WAC: variants seen among roughly 807,000 people sequenced by gnomAD.
WAC encodes the protein WW domain containing adaptor with coiled-coil, also known as WW domain-containing adapter protein with coiled-coil.
Under a neutral mutation model 79.6 loss-of-function variants are expected in WAC, and 11 were observed. That is an observed-to-expected ratio of 0.14 (90% confidence interval 0.09 to 0.23). The LOEUF (loss-of-function observed/expected upper bound fraction) is 0.23, where lower values mean the gene tolerates loss of function less well. Among genes scored for constraint, WAC ranks in the 10% least tolerant of loss-of-function variants. The probability of loss-of-function intolerance (pLI) is 1.00; values close to 1 mark genes in which losing one functional copy is unlikely to be tolerated. For synonymous variants in WAC, 304 were observed against 276.9 expected (o/e 1.10, Z -0.97); for missense variants, 728 against 773.5 (o/e 0.94, Z 0.70).
intron 13 of WAC, 70 bp downstream of exon 13, chr10:28,617,854 T>C: frequency 6.9e-7 from 1 of 1,453,572 alleles, no homozygotes; most frequent in Middle Eastern, 2.4e-4. Context: ...CTAAAGAATG[T>C]AAATCACATT....
intron 9 of WAC, chr10:28,611,266 C>T (rs1205440315): frequency 7.7e-7 from 1 of 1,292,824 alleles, no homozygotes; most frequent in Non-Finnish European, 1.0e-6. Context: ...TATCCCTCTT[C>T]ATGAAGGTAT....
intron 3 of WAC, among the ~76,000 whole-genome samples, chr10:28,543,870 T>C (rs1837197093): frequency 6.9e-6 from 1 of 145,606 alleles, no homozygotes; most frequent in South Asian, 2.1e-4. Flanking sequence ...TTCCTTTGTT[T>C]TGTTTTTTGT....
chr10:28,539,422 A>G (rs1169006904), intron 3 of WAC, among the ~76,000 whole-genome samples: 2 of 152,228 alleles, frequency 1.3e-5, no homozygotes, highest in African/African-American at 2.4e-5. Context: ...TTGTAAATTT[A>G]AGATAGGTTA....
chr10:28,590,585 C>A (rs1365813501), intron 5 of WAC, 135 bp from the exon 6 acceptor site: 1 of 680,900 alleles, frequency 1.5e-6, no homozygotes, highest in Admixed American at 3.3e-5. Flanking sequence ...TCTCACACAC[C>A]AGTTAAATTA....
At chr10:28,598,441 A>G (rs1840484953) in intron 7 of WAC, among the ~76,000 whole-genome samples, 1 of 152,152 alleles carries the variant, frequency 6.6e-6, no homozygotes, top group African/African-American at 2.4e-5. Context: ...ACACTTAAAC[A>G]TTGTAATTTC....
At chr10:28,590,937 A>G in intron 6 of WAC, 105 bp downstream of exon 6, 2 of 910,020 alleles carry the variant, frequency 2.2e-6, no homozygotes, top group Non-Finnish European at 3.4e-6. Flanking sequence ...AAATAAATAG[A>G]AACATACGGA....
intron 4 of WAC, 69 bp downstream of exon 4, chr10:28,583,574 C>T: frequency 1.1e-6 from 1 of 931,876 alleles, no homozygotes; most frequent in Non-Finnish European, 1.6e-6. Context: ...AAAAATACAA[C>T]CCATGGCAAG....
rs1836938274 is a variant in WAC at position 28,540,299 on chromosome 10, A to G, written c.274+4542A>G. Among the ~76,000 whole-genome samples the G allele has an allele frequency of 5.3e-5, 8 of 152,228 alleles. No individual in the cohort carries two copies. In the South Asian group the frequency reaches 1.7e-3, roughly 31 times the overall value. ...AGCTCAGTCTAGAAACTAGTTCTCT[A>G]ACTTCGGTAACTTGTATGCTGTCAG... is the stretch of plus-strand genomic sequence containing the variant. On this transcript the variant is annotated intron_variant, in intron 3 of 13. Coordinates refer to ENST00000354911, the MANE Select transcript of WAC (RefSeq NM_016628.5).
chr10:28,614,118 T>C (rs1841368027), intron 10 of WAC, among the ~76,000 whole-genome samples: 1 of 152,208 alleles, frequency 6.6e-6, no homozygotes, highest in Non-Finnish European at 1.5e-5. Context: ...TACTTTTTTT[T>C]TTTTTGAGAC....
intron 3 of WAC, 72 bp downstream of exon 3, chr10:28,535,829 A>T: frequency 3.8e-6 from 5 of 1,300,328 alleles, no homozygotes; most frequent in Non-Finnish European, 5.3e-6. Flanking sequence ...CGGCAGTAGT[A>T]TTTCTAGCTT....
At chr10:28,608,065 G>C (rs1253795399) in intron 7 of WAC, 121 bp from the exon 8 acceptor site, 2 of 1,061,548 alleles carry the variant, frequency 1.9e-6, no homozygotes, top group Admixed American at 2.1e-5. Flanking sequence ...GTGCTCCAGT[G>C]TGTAAGGGTT....
At chr10:28,554,474 C>G (rs1278356039) in intron 3 of WAC, among the ~76,000 whole-genome samples, 1 of 152,104 alleles carries the variant, frequency 6.6e-6, no homozygotes, top group Non-Finnish European at 1.5e-5. Flanking sequence ...AACTTAAGTT[C>G]ATTTTTGTAT....
chr10:28,612,587 CT>C (rs1301098215), intron 10 of WAC, among the ~76,000 whole-genome samples: 1 of 152,076 alleles, frequency 6.6e-6, no homozygotes, highest in African/African-American at 2.4e-5. Context: ...CTGTTTCAGA[CT>C]TTTTAATGCC....
chr10:28,616,383 A>C (rs1841468234), intron 12 of WAC, 21 bp downstream of exon 12: 6 of 1,506,172 alleles, frequency 4.0e-6, no homozygotes, highest in Non-Finnish European at 5.4e-6. Context: ...TACAGCCTAG[A>C]TTTTACCTTT....
chr10:28,559,136 A>ATTGTGTGTGTGTGTG lies in WAC; in HGVS notation c.274+23380_274+23381insTGTGTGTGTGTGTGT, dbSNP rs1554780979. Among the ~76,000 whole-genome samples the ATTGTGTGTGTGTGTG allele has an allele frequency of 2.2e-4, 32 of 146,762 alleles. No homozygotes were observed. In the East Asian group the frequency reaches 2.9e-3, roughly 13 times the overall value. The stretch of plus-strand genomic sequence containing the variant: ...TAAATCTCTGCTCTCGAGAAACCTG[A>ATTGTGTGTGTGTGTG]TGTGTGTGTGTGTGTGTGTGTGTGT... On this transcript the variant is annotated intron_variant, in intron 3 of 13. Transcript: ENST00000354911.
intron 9 of WAC, 52 bp from the exon 10 acceptor site, chr10:28,611,722 T>A: frequency 6.3e-7 from 1 of 1,593,318 alleles, no homozygotes; most frequent in Non-Finnish European, 8.5e-7. Context: ...GGACTTTAGT[T>A]TTTTGTTTTG....
At chr10:28,537,611 G>C (rs1014637940) in intron 3 of WAC, 1 of 152,100 alleles carries the variant, frequency 6.6e-6, no homozygotes, top group Non-Finnish European at 1.5e-5. Flanking sequence ...ACATTCTGTT[G>C]CTTATTCATT....
At chr10:28,541,086 C>T (rs1836990563) in intron 3 of WAC, among the ~76,000 whole-genome samples, 1 of 152,080 alleles carries the variant, frequency 6.6e-6, no homozygotes, top group Non-Finnish European at 1.5e-5. Context: ...AATGAGTTCA[C>T]TTAGATCCTT....
intron 3 of WAC, among the ~76,000 whole-genome samples, chr10:28,553,699 T>C (rs958603867): frequency 1.3e-5 from 2 of 152,162 alleles, no homozygotes; most frequent in African/African-American, 4.8e-5. Flanking sequence ...GTCAGCCTTA[T>C]ATATCCATGG....
Sources: gnomAD v4.1 joint callset for allele counts (sites outside exome capture counted in the v4.1 genomes callset) on GRCh38, gnomAD v4.1.1 for gene constraint, MANE v1.5 for transcripts, NCBI Gene and HGNC (gene_info 2026-07-23, HGNC 2026-07-21) for gene names.